Variants in CARS2 observed in about 807,000 individuals in gnomAD.
CARS2 encodes probable cysteine--tRNA ligase, mitochondrial.
CARS2 carries 52 observed loss-of-function variants against 68.8 expected under a neutral mutation model. The ratio of observed to expected loss-of-function variants is 0.76; its 90% confidence interval spans 0.61 to 0.95. The LOEUF is 0.95. CARS2 is among the 40% of genes least tolerant of loss of function. CARS2 has a pLI of 0.00. For missense variants in CARS2, 780 were observed against 754.2 expected, an observed-to-expected ratio of 1.03 and a Z score of -0.40; for synonymous variants, 314 against 303.6, an observed-to-expected ratio of 1.03 and a Z score of -0.36.
chr13:110,697,875 G>A (rs904306798), intron 3 of CARS2: 2 of 446,112 alleles, frequency 4.5e-6, no homozygotes, highest in Non-Finnish European at 8.9e-6. Context: ...AGACTACCCA[G>A]TTATGAGAAA....
At chr13:110,703,772 G>T (rs2063859717) in intron 2 of CARS2, among the ~76,000 whole-genome samples, 1 of 152,262 alleles carries the variant, frequency 6.6e-6, no homozygotes, top group African/African-American at 2.4e-5. Flanking sequence ...AGTGTCCTGG[G>T]AGGAGATGGG....
At chr13:110,656,484 G>C (rs1594259229) in intron 9 of CARS2, among the ~76,000 whole-genome samples, 2 of 152,298 alleles carry the variant, frequency 1.3e-5, no homozygotes, top group East Asian at 3.9e-4. Flanking sequence ...GTCCAGAATA[G>C]GTGAATCACA....
chr13:110,642,423 G>A lies in CARS2; in HGVS notation c.1515C>T (p.Pro505=), dbSNP rs763434479. ...GCCGCCGGGCGTCCCCCGTGGCCTC[G>A]GGCATGGCCAGCGCAAACTGCCGGA... ...QKVRQFALAM[P]EATGDARRQQ... is the part of the protein sequence containing the mutation. Residue 505 remains proline, a synonymous_variant, in exon 14 of 15, where the codon CCC becomes CCT. Coordinates refer to ENST00000257347, the MANE Select transcript of CARS2 (RefSeq NM_024537.4). The A allele has an allele frequency of 2.5e-5, 40 of 1,601,302 alleles. No individual in the cohort carries two copies. Among genetic ancestry groups the A allele is most frequent in the South Asian group, 6.7e-5 (6 of 89,124 alleles).
In CARS2 at chr13:110,645,969, T is replaced by A; in HGVS notation, c.1315A>T (p.Lys439Ter). The A allele has an allele frequency of 6.2e-7, 1 of 1,612,136 alleles. No individual in the cohort carries two copies. The highest frequency in any genetic ancestry group is 8.5e-7 in the Non-Finnish European group (1 of 1,179,132). ...AGGCCACCTGTTCGTTGAGCTACCTTCAGGGACGCCCTGAGCTGTCCATTC... is the reference window on the plus strand; with the variant it reads ...AGGCCACCTGTTCGTTGAGCTACCTACAGGGACGCCCTGAGCTGTCCATTC... ...HGNGQLRASL[K>*]EPEGPRSPAV... Residue 439 changes from lysine to a stop codon, truncating the protein, a stop_gained and splice_region_variant, in exon 12 of 15, where the codon AAG becomes TAG. Coordinates refer to ENST00000257347, the MANE Select transcript of CARS2 (RefSeq NM_024537.4). LOFTEE classifies it high-confidence loss of function.
chr13:110,645,855 G>T, intron 12 of CARS2, 112 bp downstream of exon 12: 1 of 1,324,888 alleles, frequency 7.5e-7, no homozygotes, highest in Non-Finnish European at 1.0e-6. Flanking sequence ...CAGAAGCTGC[G>T]GGAGGCGAAA....
intron 9 of CARS2, among the ~76,000 whole-genome samples, chr13:110,651,533 G>A (rs145725792): frequency 6.0e-4 from 92 of 152,336 alleles, no homozygotes; most frequent in African/African-American, 2.1e-3. Flanking sequence ...TGCGGTGAAC[G>A]TCAGACCCGG....
intron 9 of CARS2, among the ~76,000 whole-genome samples, chr13:110,655,798 T>C (rs2062350050): frequency 6.6e-6 from 1 of 152,242 alleles, no homozygotes; most frequent in African/African-American, 2.4e-5. Context: ...GCGGCATGCA[T>C]ACGACACTGC....
chr13:110,644,011 G>A (rs1357765636), intron 13 of CARS2: 3 of 877,310 alleles, frequency 3.4e-6, no homozygotes, highest in East Asian at 6.3e-5. Flanking sequence ...CCAGGCAAGG[G>A]GGCTCAGGTC....
At chr13:110,706,223 G>T, upstream of CARS2, 1 of 600,462 alleles carries the variant, frequency 1.7e-6, no homozygotes, top group Non-Finnish European at 2.3e-6. Context: ...CCCGGAAGCA[G>T]TCCTCAGGTA....
At chr13:110,674,089 T>C (rs919935941) in intron 7 of CARS2, among the ~76,000 whole-genome samples, 17 of 152,202 alleles carry the variant, frequency 1.1e-4, no homozygotes, top group African/African-American at 4.1e-4. Context: ...GAACATTCCA[T>C]GCTCATGGAT....
upstream of CARS2, among the ~76,000 whole-genome samples, chr13:110,710,207 C>T (rs1029179154): frequency 6.6e-6 from 1 of 152,126 alleles, no homozygotes; most frequent in Non-Finnish European, 1.5e-5. Flanking sequence ...CATGACAAAA[C>T]TCCGTCTCTA....
rs1276454038 is a variant in CARS2 at position 110,705,202 on chromosome 13, G to C, written c.275+319C>G. Among the ~76,000 whole-genome samples the C allele has an allele frequency of 6.6e-6, 1 of 152,158 alleles. No individual in the cohort carries two copies. The highest frequency in any genetic ancestry group is 2.4e-5 in the African/African-American group (1 of 41,424). Reference sequence around the variant, plus strand: ...GAAGCTAAGAAGTGGTGGGGCCCAGGAATGACTGATCAGCAGGACCCCGGG... The same window carrying C: ...GAAGCTAAGAAGTGGTGGGGCCCAGCAATGACTGATCAGCAGGACCCCGGG... On this transcript the variant is annotated intron_variant, in intron 2 of 14. Coordinates refer to ENST00000257347, the MANE Select transcript of CARS2 (RefSeq NM_024537.4). This position sits in a 1 kb window ranked among gnomAD's most constrained non-coding sequence, Gnocchi z 4.0.
chr13:110,685,286 G>A (rs1047173715), intron 5 of CARS2, among the ~76,000 whole-genome samples: 32 of 152,018 alleles, frequency 2.1e-4, no homozygotes, highest in African/African-American at 7.0e-4. Flanking sequence ...CTCCAGCCTA[G>A]GCGACAGAGC....
chr13:110,713,226 G>T, exon 1 of CARS2: 2 of 1,415,814 alleles, frequency 1.4e-6, no homozygotes, highest in Non-Finnish European at 1.8e-6. Context: ...TCTGTTTCGG[G>T]CCCTACTTAT....
chr13:110,686,317 C>T (rs1405406310), intron 5 of CARS2, among the ~76,000 whole-genome samples: 1 of 151,278 alleles, frequency 6.6e-6, no homozygotes. Context: ...TCATGGTTCA[C>T]TGCAGCCTCG....
Position 110,649,243 on chromosome 13 carries a change from G to T in CARS2, c.1054+1791C>A, listed in dbSNP as rs1315634345. ...GCGCCCGTGAGCGCAGGTCCCCTGG[G>T]CCGATGCACTGCAGTTCCACCCAGG... On this transcript the variant is annotated intron_variant, in intron 10 of 14. Transcript: ENST00000257347. 4 of 152,290 alleles carry T rather than the reference G, an allele frequency of 2.6e-5. No homozygotes were observed. The East Asian group carries it at 7.7e-4, about 29-fold the overall frequency. 9.4% of individuals were successfully genotyped at this position (152,290 alleles called of 1,614,324 possible).
rs2062775882 is a variant in CARS2 at position 110,670,600 on chromosome 13, G to A, written c.786-3127C>T. Among the ~76,000 whole-genome samples the A allele has an allele frequency of 1.3e-5, 2 of 152,184 alleles. No homozygotes were observed. Among genetic ancestry groups the A allele is most frequent in the African/African-American group, 4.8e-5 (2 of 41,446 alleles). On this transcript the variant is annotated intron_variant, in intron 7 of 14. Transcript: ENST00000257347. The surrounding 1 kb of genome is among the most constrained non-coding windows in gnomAD (Gnocchi z 4.1). ...AAAGGTAGACAAAAACCACAAAGAT[G>A]GGGAGAAACCAGAGCAGAAAAGCTG...
rs186914540 is a variant in CARS2 at position 110,669,893 on chromosome 13, C to T, written c.786-2420G>A. 3.7e-3 allele frequency among the ~76,000 whole-genome samples: 561 copies of T among 152,268 alleles called. 5 individuals carry two copies. The highest frequency in any genetic ancestry group is 0.012 in the African/African-American group (515 of 41,536). ...GTGCTTTTCCAATGGTCTTAGCAAA[C>T]GGCACACCAGGAGATTATATCCTGC... On this transcript the variant is annotated intron_variant, in intron 7 of 14. Coordinates refer to ENST00000257347, the MANE Select transcript of CARS2 (RefSeq NM_024537.4).
chr13:110,666,441 C>T, intron 8 of CARS2: 1 of 985,386 alleles, frequency 1.0e-6, no homozygotes, highest in Non-Finnish European at 1.2e-6. Context: ...CTGTGAGAGG[C>T]AGACATAGTA....
Sources: allele counts gnomAD v4.1 joint callset (sites outside exome capture counted in the v4.1 genomes callset), GRCh38; gene constraint gnomAD v4.1.1; non-coding constraint Gnocchi (gnomAD v3.1); transcripts MANE v1.5; gene names NCBI Gene and HGNC (gene_info 2026-07-23, HGNC 2026-07-21).